TRPM3: variants seen among roughly 807,000 people sequenced by gnomAD.
The protein encoded by TRPM3 is transient receptor potential cation channel subfamily M member 3.
In TRPM3, 77 loss-of-function variants were observed where a neutral mutation model predicts 181.2. The ratio of observed to expected loss-of-function variants is 0.42; its 90% CI spans 0.35 to 0.51. The LOEUF (loss-of-function observed/expected upper bound fraction) is 0.51, where lower values mean the gene tolerates loss of function less well. TRPM3 is among the 20% of genes least tolerant of loss of function. The pLI is 0.01. For missense variants in TRPM3, 1,759 were observed against 2,196.7 expected (o/e 0.80, Z 3.98); for synonymous variants, 745 against 796.4 (o/e 0.94, Z 1.09).
chr9:71,406,695 T>A (rs1049583784), intron 1 of TRPM3, among the ~76,000 whole-genome samples: 3 of 152,208 alleles, frequency 2.0e-5, no homozygotes, highest in African/African-American at 7.2e-5. Context: ...GTTATAATAA[T>A]GTCATTTGCA....
chr9:71,073,354 T>G (rs1488355692), intron 1 of TRPM3, among the ~76,000 whole-genome samples: 3 of 152,166 alleles, frequency 2.0e-5, no homozygotes, highest in Non-Finnish European at 4.4e-5. Flanking sequence ...AAAAGGAAAG[T>G]AGGACATGTG....
intron 6 of TRPM3, among the ~76,000 whole-genome samples, chr9:70,817,902 A>G (rs1208717779): frequency 6.6e-6 from 1 of 152,086 alleles, no homozygotes; most frequent in African/African-American, 2.4e-5. Context: ...CTTCCCAGGA[A>G]ACTACATGTT....
In TRPM3 at chr9:71,227,675, A is replaced by C. The variant is rs573706408; in HGVS notation, c.183+218978T>G. ...GAGACATTAGAACCAATACTGCAGA[A>C]ATCCAAAGGATCATTAGAGACTACT... On this transcript the variant is annotated intron_variant, in intron 1 of 24. Transcript: ENST00000357533. Among the ~76,000 whole-genome samples, 8 of 152,248 alleles carry C rather than the reference A, an allele frequency of 5.3e-5. No homozygotes were observed. In the East Asian group the frequency reaches 1.5e-3, roughly 29 times the overall value.
At chr9:71,060,502 T>C (rs1002222776) in intron 1 of TRPM3, among the ~76,000 whole-genome samples, 8 of 152,276 alleles carry the variant, frequency 5.3e-5, no homozygotes, top group Admixed American at 3.9e-4. Context: ...AGAAGCACTA[T>C]GTTTCAAACC....
intron 1 of TRPM3, among the ~76,000 whole-genome samples, chr9:71,346,845 G>C (rs1306701700): frequency 6.6e-6 from 1 of 151,738 alleles, no homozygotes; most frequent in African/African-American, 2.4e-5. Flanking sequence ...GATTGGGATG[G>C]GGAGTGAGGA....
At chr9:71,148,949 G>C (rs2075581446) in intron 1 of TRPM3, among the ~76,000 whole-genome samples, 1 of 152,176 alleles carries the variant, frequency 6.6e-6, no homozygotes, top group Admixed American at 6.5e-5. Flanking sequence ...TAGGCTGATA[G>C]CCTTTCTTTT....
At chr9:70,698,534 T>A (rs1267021409) in intron 8 of TRPM3, among the ~76,000 whole-genome samples, 1 of 152,206 alleles carries the variant, frequency 6.6e-6, no homozygotes, top group Non-Finnish European at 1.5e-5. Context: ...TACTGAATTA[T>A]ACAGTAAAAG....
At chr9:71,330,648 T>A (rs752128683) in intron 1 of TRPM3, among the ~76,000 whole-genome samples, 2 of 151,978 alleles carry the variant, frequency 1.3e-5, no homozygotes, top group Non-Finnish European at 2.9e-5. Flanking sequence ...GTGCTGGGTA[T>A]ATTAAAAACT....
intron 1 of TRPM3, among the ~76,000 whole-genome samples, chr9:71,150,054 T>A (rs989200260): frequency 1.3e-4 from 19 of 150,802 alleles, no homozygotes; most frequent in Admixed American, 1.3e-3. Context: ...AAGAACAAAA[T>A]GAAACTAAGC....
At chr9:71,111,351 A>G (rs1459939837) in intron 1 of TRPM3, among the ~76,000 whole-genome samples, 1 of 152,178 alleles carries the variant, frequency 6.6e-6, no homozygotes, top group Non-Finnish European at 1.5e-5. Context: ...CCACCCGTTA[A>G]TATCTATTTT....
At chr9:71,123,872 T>C (rs1235047482), upstream of TRPM3, among the ~76,000 whole-genome samples, 2 of 152,150 alleles carry the variant, frequency 1.3e-5, no homozygotes, top group Admixed American at 1.3e-4. Context: ...TGCAATTGCC[T>C]ACCCCCTGCC....
intron 1 of TRPM3, among the ~76,000 whole-genome samples, chr9:71,288,232 G>T (rs2085467687): frequency 6.6e-6 from 1 of 151,398 alleles, no homozygotes; most frequent in Non-Finnish European, 1.5e-5. Context: ...TAAAACAAAA[G>T]ATACCTTAGT....
chr9:70,672,300 T>C (rs1391354401), intron 9 of TRPM3, among the ~76,000 whole-genome samples: 1 of 152,184 alleles, frequency 6.6e-6, no homozygotes, highest in Non-Finnish European at 1.5e-5. Flanking sequence ...CTGTTGCAGT[T>C]ATCAGGAAAG....
chr9:71,139,675 A>C (rs1164482948), intron 1 of TRPM3, among the ~76,000 whole-genome samples: 1 of 152,216 alleles, frequency 6.6e-6, no homozygotes. Flanking sequence ...ATGGTTAATA[A>C]TAAAAGTAGT....
At chr9:70,547,711 A>G (rs2045383477) in intron 25 of TRPM3, among the ~76,000 whole-genome samples, 1 of 152,086 alleles carries the variant, frequency 6.6e-6, no homozygotes, top group African/African-American at 2.4e-5. Context: ...AGGTCAGTCT[A>G]AAGCCTAGGA....
intron 9 of TRPM3, among the ~76,000 whole-genome samples, chr9:70,676,503 C>T (rs928492446): frequency 6.6e-6 from 1 of 152,162 alleles, no homozygotes; most frequent in Non-Finnish European, 1.5e-5. Context: ...GCTGAGAGAG[C>T]AGACTGATAA....
chr9:70,979,484 T>C (rs978707328), intron 1 of TRPM3, among the ~76,000 whole-genome samples: 4 of 152,178 alleles, frequency 2.6e-5, no homozygotes, highest in African/African-American at 9.7e-5. Flanking sequence ...GCAGAAGTCA[T>C]TTGTCACCCC....
At chr9:71,233,982 T>C (rs745691942) in intron 1 of TRPM3, among the ~76,000 whole-genome samples, 40 of 152,254 alleles carry the variant, frequency 2.6e-4, no homozygotes, top group Non-Finnish European at 4.3e-4. Flanking sequence ...CCAGACTTAG[T>C]AGTTTACAAT....
At chr9:71,250,690 G>C (rs1391180010) in intron 1 of TRPM3, among the ~76,000 whole-genome samples, 1 of 152,186 alleles carries the variant, frequency 6.6e-6, no homozygotes, top group Non-Finnish European at 1.5e-5. Flanking sequence ...CTGAACCTTT[G>C]ATGTGAAACA....
Sources: allele counts gnomAD v4.1 joint callset (sites outside exome capture counted in the v4.1 genomes callset), GRCh38; gene constraint gnomAD v4.1.1; transcripts MANE v1.5; gene names NCBI Gene and HGNC (gene_info 2026-07-23, HGNC 2026-07-21).